CES2: variants seen among roughly 807,000 people sequenced by gnomAD.
The protein encoded by CES2 is cocaine esterase.
Under a neutral mutation model 52.1 loss-of-function variants are expected in CES2, and 42 were observed. The observed-to-expected ratio is 0.81, with a 90% confidence interval of 0.63 to 1.04. The LOEUF (loss-of-function observed/expected upper bound fraction) is 1.04. CES2 is among the 50% of genes least tolerant of loss of function. The pLI is 0.00. For synonymous variants in CES2, 277 were observed against 289.6 expected (o/e 0.96, Z 0.44); for missense variants, 656 against 724.3 (o/e 0.91, Z 1.08).
Position 66,938,021 on chromosome 16 carries a change from G to A in CES2, c.77-16G>A, listed in dbSNP as rs776516162. 26 of 1,610,048 alleles carry A rather than the reference G, an allele frequency of 1.6e-5. No homozygotes were observed. The highest frequency in any genetic ancestry group is 9.9e-5 in the South Asian group (9 of 91,038). On this transcript the variant is annotated splice_polypyrimidine_tract_variant and intron_variant, in intron 1 of 11. Coordinates refer to ENST00000317091, the MANE Select transcript of CES2 (RefSeq NM_001365405.1). The stretch of plus-strand genomic sequence containing the variant: ...TTGGTCAAACCCAACCGTGATGTCT[G>A]TCTCTCTGCCCACAGGCCAGGACTC...
Position 66,943,838 on chromosome 16 carries a change from GGA to G in CES2, c.1494_1495del (p.Asn499ProfsTer54). On this transcript the variant is annotated frameshift_variant and splice_region_variant, in exon 12 of 12. Transcript: ENST00000317091. LOFTEE classifies it low-confidence loss of function (END_TRUNC). The surrounding 1 kb of genome is among the most constrained non-coding windows in gnomAD (Gnocchi z 4.2). ...GCCCTGCTGGGATGGCATGTCTACA[GGA>G]ACCCCAATGGCGAGGGTCTGCCACA... 6.3e-7 allele frequency: 1 copy of G among 1,589,090 alleles called. No homozygotes were observed. Among genetic ancestry groups the G allele is most frequent in the Non-Finnish European group, 8.6e-7 (1 of 1,162,540 alleles).
At chr16:66,935,940 A>G (rs1430735956) in intron 1 of CES2, 2 of 1,428,066 alleles carry the variant, frequency 1.4e-6, no homozygotes, top group Non-Finnish European at 9.1e-7. Context: ...CCAGCGGAGT[A>G]CAGGGGCCCC....
chr16:66,941,749 C>T lies in CES2; in HGVS notation c.1057-19C>T, dbSNP rs1963370588. 3 of 1,613,970 alleles carry T rather than the reference C, an allele frequency of 1.9e-6. No individual in the cohort carries two copies. Among genetic ancestry groups the T allele is most frequent in the Non-Finnish European group, 2.5e-6 (3 of 1,179,978 alleles). On this transcript the variant is annotated intron_variant, in intron 7 of 11. Transcript: ENST00000317091. ...GGCTCATCCCATCCCCAGCTACAGA[C>T]TCTCTCCTGGCCATCCAGGTCATGA...
At chr16:66,934,919 G>A (rs1367229821), upstream of CES2, 1 of 159,702 alleles carries the variant, frequency 6.3e-6, no homozygotes, top group African/African-American at 2.4e-5. The surrounding 1 kb of genome is among the most constrained non-coding windows in gnomAD (Gnocchi z 4.1). Context: ...GGGAGGTGAG[G>A]AAACTGAAAG....
Position 66,940,169 on chromosome 16 carries a change from G to A in CES2, c.424-53G>A. The A allele has an allele frequency of 1.6e-5, 26 of 1,603,700 alleles. No individual in the cohort carries two copies. In the South Asian group the frequency reaches 2.9e-4, roughly 18 times the overall value. On this transcript the variant is annotated intron_variant, in intron 3 of 11. Transcript: ENST00000317091. Reference sequence around the variant, plus strand: ...ACTGGTTGGTCTAGGTAGTGGCCCTGGTGGGGTTTGGGCTGGGTGGGAGCA... The same window carrying A: ...ACTGGTTGGTCTAGGTAGTGGCCCTAGTGGGGTTTGGGCTGGGTGGGAGCA...
rs150519789 is a variant in CES2, at chr16:66,942,653, C to T, written c.1288C>T (p.Arg430Trp). The change falls in exon 10 of 12, where the codon CGG becomes TGG. Residue 430 changes from arginine to tryptophan, a missense_variant. Arg to Trp is a moderately radical substitution (Grantham distance 101, BLOSUM62 -3). Coordinates refer to ENST00000317091, the MANE Select transcript of CES2 (RefSeq NM_001365405.1). ...ATGGGCTGTCCACCCCACAGGTTCC[C>T]GGGCCCCTGTGTACTTCTACGAGTT... ...ALQVAHFQCS[R>W]APVYFYEFQH... 72 of 1,614,162 alleles carry T rather than the reference C, an allele frequency of 4.5e-5. No individual in the cohort carries two copies. In the South Asian group the frequency reaches 5.2e-4, roughly 12 times the overall value.
At chr16:66,941,024 C>A in intron 5 of CES2, 100 bp from the exon 6 acceptor site, 2 of 1,522,478 alleles carry the variant, frequency 1.3e-6, no homozygotes, top group South Asian at 1.2e-5. Context: ...ACGAAGTACC[C>A]TCTGAGATTT....
At chr16:66,935,077 G>A, upstream of CES2, 1 of 215,984 alleles carries the variant, frequency 4.6e-6, no homozygotes, top group Non-Finnish European at 9.4e-6. Context: ...GGGAACCCAG[G>A]AAACTGAGTC....
At position 66,944,015 on chromosome 16, in the gene CES2, C is replaced by A; in HGVS notation, c.1670C>A (p.Thr557Lys). Residue 557 changes from threonine to lysine, a missense_variant, in exon 12 of 12, where the codon ACA (threonine) becomes AAA (lysine). By Grantham distance (78) the Thr-to-Lys change is moderately conservative. Transcript: ENST00000317091. Reference protein sequence around the residue: ...QELEEPEERHTEL With the variant: ...QELEEPEERHKEL Reference sequence around the variant, plus strand: ...CTCGAGGAGCCTGAAGAGAGACACACAGAGCTGTAGCTCCCTGTGCCGGGG... The same window carrying A: ...CTCGAGGAGCCTGAAGAGAGACACAAAGAGCTGTAGCTCCCTGTGCCGGGG... 1 of 1,525,178 alleles carries A rather than the reference C, an allele frequency of 6.6e-7. No individual in the cohort carries two copies. The highest frequency in any genetic ancestry group is 8.9e-7 in the Non-Finnish European group (1 of 1,121,068). The allele number at this position is 1,525,178 out of a possible 1,614,324, so 94.5% of individuals were successfully genotyped here. A position where few individuals can be genotyped will look rare whatever the true frequency, so the allele number is the denominator to read the frequency against.
chr16:66,934,495 G>C (rs1211505300), upstream of CES2: 1 of 1,338,010 alleles, frequency 7.5e-7, no homozygotes, highest in African/African-American at 1.5e-5. This position sits in a 1 kb window ranked among gnomAD's most constrained non-coding sequence, Gnocchi z 4.1. Context: ...TGGGTTCTCG[G>C]CCTGAGGTGC....
chr16:66,937,227 A>C (rs965145402), intron 1 of CES2, among the ~76,000 whole-genome samples: 19 of 152,148 alleles, frequency 1.2e-4, no homozygotes, highest in African/African-American at 4.3e-4. Context: ...TTCAGAAAAA[A>C]TAATTGACAA....
In CES2 at chr16:66,943,948, C is replaced by T. The variant is rs1963425780; in HGVS notation, c.1603C>T (p.Leu535Phe). The T allele has an allele frequency of 6.2e-7, 1 of 1,608,134 alleles. No homozygotes were observed. The highest frequency in any genetic ancestry group is 1.3e-5 in the African/African-American group (1 of 74,968). Residue 535 changes from leucine to phenylalanine, a missense_variant, in exon 12 of 12, where the codon CTC becomes TTC. Transcript: ENST00000317091. This position sits in a 1 kb window ranked among gnomAD's most constrained non-coding sequence, Gnocchi z 4.2. The stretch of plus-strand genomic sequence containing the variant: ...GGGCCGGGCTCTGAAGGCCCACAGG[C>T]TCCAGTTCTGGAAGAAGGCGCTGCC... ...AVGRALKAHRLQFWKKALPQK... is the reference protein window; with the variant it reads ...AVGRALKAHRFQFWKKALPQK...
chr16:66,942,885 CAG>C (rs1963400655), intron 10 of CES2, 100 bp downstream of exon 10: 1 of 1,575,868 alleles, frequency 6.3e-7, no homozygotes, highest in African/African-American at 1.4e-5. Flanking sequence ...AACTGAGGCT[CAG>C]AGAGAGGATG....
At chr16:66,935,418 G>A, upstream of CES2, 1 of 1,560,002 alleles carries the variant, frequency 6.4e-7, no homozygotes, top group Non-Finnish European at 8.7e-7. Flanking sequence ...GCCCGGGCCT[G>A]CCTACCACTA....
chr16:66,940,240 G>A lies in CES2; in HGVS notation c.442G>A (p.Gly148Ser), dbSNP rs139864573. 7.4e-6 allele frequency: 12 copies of A among 1,613,838 alleles called. No individual in the cohort carries two copies. The highest frequency in any genetic ancestry group is 1.6e-4 in the Middle Eastern group (1 of 6,078). Reference sequence around the variant, plus strand: ...TCCCCAGGTGATGGTGTGGATCCACGGTGGTGCGCTTGTTTTTGGCATGGC... The same window carrying A: ...TCCCCAGGTGATGGTGTGGATCCACAGTGGTGCGCTTGTTTTTGGCATGGC... Reference protein sequence around the residue: ...SNLPVMVWIHGGALVFGMASL... With the variant: ...SNLPVMVWIHSGALVFGMASL... Residue 148 changes from glycine to serine, a missense_variant, in exon 4 of 12, where the codon GGT becomes AGT. Transcript: ENST00000317091.
In CES2 at chr16:66,943,531, G is replaced by C. The variant is rs3848286; in HGVS notation, c.1493+160G>C. 1 of 714,538 alleles carries C rather than the reference G, an allele frequency of 1.4e-6. No homozygotes were observed. 44.3% of individuals were successfully genotyped at this position (714,538 alleles called of 1,614,324 possible). A position where few individuals can be genotyped will look rare whatever the true frequency, so the allele number is the denominator to read the frequency against. ...ACCCACTCAGACAGGGTGGGGGTGCGTGGGGCAGTGGACACGCTCTATCTC... is the reference window on the plus strand; with the variant it reads ...ACCCACTCAGACAGGGTGGGGGTGCCTGGGGCAGTGGACACGCTCTATCTC... On this transcript the variant is annotated intron_variant, in intron 11 of 11. Coordinates refer to ENST00000317091, the MANE Select transcript of CES2 (RefSeq NM_001365405.1). This position sits in a 1 kb window ranked among gnomAD's most constrained non-coding sequence, Gnocchi z 4.2.
intron 9 of CES2, 38 bp from the exon 10 acceptor site, chr16:66,942,610 G>A (rs1963392943): frequency 1.9e-6 from 3 of 1,611,376 alleles, no homozygotes; most frequent in South Asian, 2.2e-5. Context: ...AGTCTTCAGG[G>A]GGAGGGGCCA....
In CES2 at chr16:66,940,507, C is replaced by G. The variant is rs1963334333; in HGVS notation, c.628C>G (p.Gln210Glu). Residue 210 changes from glutamine to glutamate, a missense_variant, in exon 5 of 12, where the codon CAG becomes GAG. By Grantham distance (29) the Gln-to-Glu change is conservative. Transcript: ENST00000317091. The stretch of plus-strand genomic sequence containing the variant: ...AGTGGCTGCACTACGCTGGGTCCAG[C>G]AGAATATCGCCCACTTTGGAGGCAA... ...DQVAALRWVQQNIAHFGGNPD... is the reference protein window; with the variant it reads ...DQVAALRWVQENIAHFGGNPD... 1 of 1,614,140 alleles carries G rather than the reference C, an allele frequency of 6.2e-7. No individual in the cohort carries two copies. The highest frequency in any genetic ancestry group is 1.3e-5 in the African/African-American group (1 of 74,952).
At chr16:66,940,827 G>A (rs1963346365) in intron 5 of CES2, 132 bp downstream of exon 5, 2 of 1,230,990 alleles carry the variant, frequency 1.6e-6, no homozygotes, top group African/African-American at 1.5e-5. Flanking sequence ...CCGTGGAATT[G>A]CTGGGGGGCT....
Sources: gnomAD v4.1 joint callset for allele counts (sites outside exome capture counted in the v4.1 genomes callset) on GRCh38, gnomAD v4.1.1 for gene constraint, Gnocchi (gnomAD v3.1) non-coding constraint, MANE v1.5 for transcripts, NCBI Gene and HGNC (gene_info 2026-07-23, HGNC 2026-07-21) for gene names.